The following ALDH1A2 variants were observed in gnomAD, a reference collection of about 807,000 sequenced individuals.
ALDH1A2 encodes the protein aldehyde dehydrogenase 1 family member A2, also known as retinal dehydrogenase 2.
ALDH1A2 carries 27 observed loss-of-function variants against 60.3 expected under a neutral mutation model. The observed-to-expected ratio is 0.45, with a 90% CI of 0.33 to 0.62. ALDH1A2 has a LOEUF of 0.62. ALDH1A2 is among the 20% of genes least tolerant of loss of function. The pLI is 0.02. For synonymous variants in ALDH1A2, 289 were observed against 232.4 expected (o/e 1.24, Z -2.21); for missense variants, 581 against 643.8 (o/e 0.90, Z 1.06).
At chr15:58,001,034 T>TAAAAAAAAAAAAAAAAAA (rs10641902) in intron 4 of ALDH1A2, among the ~76,000 whole-genome samples, 1 of 126,240 alleles carries the variant, frequency 7.9e-6, no homozygotes. Flanking sequence ...TCAAAATTGT[T>TAAAAAAAAAAAAAAAAAA]AAAAAAAAAA....
intron 7 of ALDH1A2, among the ~76,000 whole-genome samples, chr15:57,974,319 G>A (rs866956641): frequency 6.6e-6 from 1 of 151,500 alleles, no homozygotes. Context: ...TGTAGTTCCA[G>A]CTACTTGGGA....
At chr15:58,023,064 G>C (rs1018093046) in intron 1 of ALDH1A2, among the ~76,000 whole-genome samples, 6 of 152,108 alleles carry the variant, frequency 3.9e-5, no homozygotes, top group African/African-American at 1.4e-4. Flanking sequence ...ATCTTAGTGA[G>C]ATACAAGTGA....
At chr15:58,055,589 C>CAA (rs1896875373) in intron 1 of ALDH1A2, among the ~76,000 whole-genome samples, 1 of 151,598 alleles carries the variant, frequency 6.6e-6, no homozygotes, top group Non-Finnish European at 1.5e-5. Flanking sequence ...AGTGTGTAGC[C>CAA]AAAATTGTCA....
At chr15:57,987,636 T>G (rs917464818) in intron 7 of ALDH1A2, among the ~76,000 whole-genome samples, 1 of 152,010 alleles carries the variant, frequency 6.6e-6, no homozygotes, top group Non-Finnish European at 1.5e-5. Flanking sequence ...ATCCCAGCAC[T>G]TTGGGAGGCC....
At chr15:57,966,613 T>C (rs566308211) in intron 7 of ALDH1A2, among the ~76,000 whole-genome samples, 130 of 152,340 alleles carry the variant, frequency 8.5e-4, no homozygotes, top group Non-Finnish European at 1.2e-3. Flanking sequence ...AGAGCTCCCT[T>C]GCCCAAGGAG....
At chr15:58,047,137 C>T (rs1415747364) in intron 1 of ALDH1A2, among the ~76,000 whole-genome samples, 1 of 152,010 alleles carries the variant, frequency 6.6e-6, no homozygotes, top group Non-Finnish European at 1.5e-5. Flanking sequence ...GAGGAATTCT[C>T]AAAGCAGCAG....
chr15:58,037,926 T>C (rs1380457780), intron 1 of ALDH1A2, among the ~76,000 whole-genome samples: 1 of 151,702 alleles, frequency 6.6e-6, no homozygotes, highest in East Asian at 1.9e-4. Flanking sequence ...GTAACACACA[T>C]CGTAATCTAT....
intron 1 of ALDH1A2, among the ~76,000 whole-genome samples, chr15:58,029,549 C>A (rs192927775): frequency 6.9e-6 from 1 of 144,708 alleles, no homozygotes; most frequent in African/African-American, 2.6e-5. Flanking sequence ...AAGATGAGAG[C>A]AGAACTGAAG....
chr15:58,008,358 A>G (rs549533505), intron 4 of ALDH1A2, among the ~76,000 whole-genome samples: 6 of 152,190 alleles, frequency 3.9e-5, no homozygotes, highest in African/African-American at 1.4e-4. Context: ...GCCCTATGAG[A>G]GCCTTTTCTA....
intron 1 of ALDH1A2, among the ~76,000 whole-genome samples, chr15:58,032,504 A>G (rs1896267717): frequency 6.6e-6 from 1 of 152,158 alleles, no homozygotes; most frequent in African/African-American, 2.4e-5. Flanking sequence ...TTAAAGTATA[A>G]TTTTAAAAAA....
At chr15:57,982,094 C>T (rs1401220432) in intron 7 of ALDH1A2, among the ~76,000 whole-genome samples, 2 of 152,134 alleles carry the variant, frequency 1.3e-5, no homozygotes, top group African/African-American at 4.8e-5. Flanking sequence ...TAGTACCCAC[C>T]TGAACACCCC....
intron 1 of ALDH1A2, among the ~76,000 whole-genome samples, chr15:58,044,122 G>T (rs1406908281): frequency 6.6e-6 from 1 of 151,930 alleles, no homozygotes; most frequent in Non-Finnish European, 1.5e-5. Flanking sequence ...AGATCCGAGT[G>T]ATCTTTGCTG....
intron 7 of ALDH1A2, among the ~76,000 whole-genome samples, chr15:57,973,102 A>C (rs1162180688): frequency 6.6e-6 from 1 of 152,224 alleles, no homozygotes; most frequent in Non-Finnish European, 1.5e-5. Context: ...GTTTGCTTTG[A>C]TGGTCTCTCC....
At chr15:58,042,010 T>A (rs1896529393) in intron 1 of ALDH1A2, among the ~76,000 whole-genome samples, 1 of 151,856 alleles carries the variant, frequency 6.6e-6, no homozygotes, top group Non-Finnish European at 1.5e-5. Context: ...AAACCATGAA[T>A]GGGGTGGAGG....
chr15:57,982,451 T>C (rs539075002), intron 7 of ALDH1A2, among the ~76,000 whole-genome samples: 4 of 152,336 alleles, frequency 2.6e-5, no homozygotes, highest in African/African-American at 7.2e-5. Flanking sequence ...TATAGAGTTG[T>C]GATATACTAT....
At chr15:58,061,915 G>A (rs1258196514) in intron 1 of ALDH1A2, among the ~76,000 whole-genome samples, 2 of 151,822 alleles carry the variant, frequency 1.3e-5, no homozygotes, top group Non-Finnish European at 2.9e-5. Flanking sequence ...CCAATTTTTG[G>A]CACACAAACT....
At chr15:58,048,552 C>T (rs1236272079) in intron 1 of ALDH1A2, among the ~76,000 whole-genome samples, 1 of 152,022 alleles carries the variant, frequency 6.6e-6, no homozygotes, top group African/African-American at 2.4e-5. Context: ...GATGGGGGAT[C>T]TGCCCCTTTC....
chr15:58,028,498 G>A (rs895628958), intron 1 of ALDH1A2, among the ~76,000 whole-genome samples: 6 of 152,078 alleles, frequency 3.9e-5, no homozygotes, highest in Non-Finnish European at 7.4e-5. Flanking sequence ...ATCAATTAAC[G>A]GGCAAAATAA....
At chr15:57,955,800 CCTT>C (rs145237602) in intron 12 of ALDH1A2, among the ~76,000 whole-genome samples, 246 of 152,348 alleles carry the variant, frequency 1.6e-3, no homozygotes, top group African/African-American at 5.7e-3. Context: ...GTGTTCCTGT[CCTT>C]CTGCGTGTTT....
Sources: allele counts gnomAD v4.1 joint callset (sites outside exome capture counted in the v4.1 genomes callset), GRCh38; gene constraint gnomAD v4.1.1; transcripts MANE v1.5; gene names NCBI Gene and HGNC (gene_info 2026-07-23, HGNC 2026-07-21).